VTA1: variants seen among roughly 807,000 people sequenced by gnomAD.
VTA1 encodes vesicle trafficking 1.
A neutral mutation model predicts 36.9 loss-of-function variants in VTA1; 24 were observed. The observed-to-expected ratio is 0.65, with a 90% CI of 0.47 to 0.91. The LOEUF is 0.91. Among genes scored for constraint, VTA1 ranks in the 40% least tolerant of loss-of-function variants. The pLI, the probability that VTA1 is intolerant of heterozygous loss-of-function variation, is 0.00. For synonymous variants in VTA1, 142 were observed against 130.2 expected, an observed-to-expected ratio of 1.09 and a Z score of -0.62; for missense variants, 393 against 377.2, an observed-to-expected ratio of 1.04 and a Z score of -0.35.
chr6:142,190,338 CAG>C (rs1775430181), intron 5 of VTA1, among the ~76,000 whole-genome samples: 1 of 152,048 alleles, frequency 6.6e-6, no homozygotes, highest in Non-Finnish European at 1.5e-5. Context: ...TGTATCTTTA[CAG>C]AGATCATTTT....
chr6:142,150,203 T>C (rs225624), intron 1 of VTA1, among the ~76,000 whole-genome samples: 61,697 of 152,012 alleles, frequency 0.41, 13,082 homozygotes, highest in Middle Eastern at 0.58. Context: ...TTGATAACAT[T>C]GTAGCTGCTA....
chr6:142,180,119 A>G (rs1322065893), intron 4 of VTA1, among the ~76,000 whole-genome samples: 1 of 152,224 alleles, frequency 6.6e-6, no homozygotes, highest in Non-Finnish European at 1.5e-5. Flanking sequence ...AGCAGTGAGC[A>G]CACAGTGAGC....
chr6:142,215,284 C>G (rs759995437), intron 7 of VTA1, among the ~76,000 whole-genome samples: 3 of 151,994 alleles, frequency 2.0e-5, no homozygotes, highest in Non-Finnish European at 4.4e-5. Flanking sequence ...TAAAAAATTA[C>G]AAAAAAGTTA....
chr6:142,173,759 C>G (rs1775068667), intron 4 of VTA1, among the ~76,000 whole-genome samples: 1 of 152,156 alleles, frequency 6.6e-6, no homozygotes, highest in South Asian at 2.1e-4. Context: ...GGAGAATAAT[C>G]TAGGTTTACT....
rs528470999 is a variant in VTA1, at chr6:142,189,913, C to T, written c.520+379C>T. On this transcript the variant is annotated intron_variant, in intron 5 of 7. Transcript: ENST00000367630. Reference sequence around the variant, plus strand: ...CTGGGACTACAGGCGCCTGCCACCACGCCTGGCTAATTTTTTTGTACTTTT... The same window carrying T: ...CTGGGACTACAGGCGCCTGCCACCATGCCTGGCTAATTTTTTTGTACTTTT... Among the ~76,000 whole-genome samples the T allele has an allele frequency of 7.2e-5, 11 of 152,220 alleles. No homozygotes were observed. In the South Asian group the frequency reaches 8.3e-4, roughly 11 times the overall value.
chr6:142,161,885 GGTAAATTTTTT>G (rs2114637244), intron 1 of VTA1, among the ~76,000 whole-genome samples: 1 of 152,070 alleles, frequency 6.6e-6, no homozygotes, highest in Non-Finnish European at 1.5e-5. Context: ...TGTATCTTAT[GGTAAATTTTTT>G]GTACTTAAGA....
chr6:142,207,679 G>T (rs113066128), intron 7 of VTA1, among the ~76,000 whole-genome samples: 2 of 151,978 alleles, frequency 1.3e-5, no homozygotes, highest in Non-Finnish European at 2.9e-5. Flanking sequence ...ACCAAAACAA[G>T]CTGGACAGAG....
intron 4 of VTA1, among the ~76,000 whole-genome samples, chr6:142,189,166 C>T (rs888779308): frequency 1.3e-5 from 2 of 152,068 alleles, no homozygotes; most frequent in African/African-American, 2.4e-5. Flanking sequence ...CCTGTTTTTC[C>T]GTTGCATATC....
intron 7 of VTA1, among the ~76,000 whole-genome samples, chr6:142,209,864 C>T (rs1401467549): frequency 6.6e-6 from 1 of 152,008 alleles, no homozygotes; most frequent in African/African-American, 2.4e-5. Context: ...CAATCCCTAT[C>T]AAAATGCCAA....
At chr6:142,215,020 T>C (rs1004330245) in intron 7 of VTA1, among the ~76,000 whole-genome samples, 2 of 152,228 alleles carry the variant, frequency 1.3e-5, no homozygotes, top group Admixed American at 1.3e-4. Flanking sequence ...TATATTGTAA[T>C]GAATTTATGG....
rs1366505316 is a variant in VTA1, at chr6:142,222,740, C to T, written c.*4097C>T. On this transcript the variant is annotated 3_prime_UTR_variant, in exon 8 of 8. Transcript: ENST00000367630. ...GGAATTCTAAGACTGCAGGCTTGTT[C>T]ATTGGAGTACACTTAAGTAGGACAA... The T allele has an allele frequency of 1.3e-5, 1 of 77,494 alleles. No individual in the cohort carries two copies. Among genetic ancestry groups the T allele is most frequent in the African/African-American group, 4.0e-5 (1 of 25,098 alleles). The allele number at this position is 77,494 out of a possible 1,614,324, so 4.8% of individuals were successfully genotyped here.
At position 142,147,399 on chromosome 6, in the gene VTA1, T is replaced by A. The variant is rs2232300; in HGVS notation, c.112T>A (p.Cys38Ser). ...DKRDPVVAYY[C>S]RLYAMQTGMK... ...GCGAGACCCTGTGGTGGCTTATTAC[T>A]GTGAGTCTTTCCGAGTGGCCGCGCC... The change falls in exon 1 of 8, where the codon TGT becomes AGT. Residue 38 changes from cysteine to serine, a missense_variant and splice_region_variant. By Grantham distance (112) the Cys-to-Ser change is moderately radical. Coordinates refer to ENST00000367630, the MANE Select transcript of VTA1 (RefSeq NM_016485.5). The A allele has an allele frequency of 2.5e-3, 3,983 of 1,613,658 alleles. 9 individuals are homozygous for A. The highest frequency in any genetic ancestry group is 3.0e-3 in the Non-Finnish European group (3,582 of 1,179,756).
chr6:142,212,339 A>T (rs182362160), intron 7 of VTA1, among the ~76,000 whole-genome samples: 24 of 152,358 alleles, frequency 1.6e-4, no homozygotes, highest in African/African-American at 5.0e-4. Context: ...CAGTGCTAGA[A>T]GGAAATGAGC....
chr6:142,157,560 G>A (rs927070848), intron 1 of VTA1, among the ~76,000 whole-genome samples: 18 of 151,946 alleles, frequency 1.2e-4, no homozygotes, highest in African/African-American at 3.4e-4. Flanking sequence ...AGAAAAAACC[G>A]TAAAGTTGAA....
intron 1 of VTA1, among the ~76,000 whole-genome samples, chr6:142,165,201 G>A (rs1774890005): frequency 6.6e-6 from 1 of 152,146 alleles, no homozygotes; most frequent in Admixed American, 6.5e-5. Flanking sequence ...AGATTGATAG[G>A]AATGTAAGTT....
intron 1 of VTA1, among the ~76,000 whole-genome samples, chr6:142,160,895 A>G (rs1774791471): frequency 6.6e-6 from 1 of 152,166 alleles, no homozygotes; most frequent in Non-Finnish European, 1.5e-5. Flanking sequence ...TTCTTTGGAC[A>G]ATGAAAAAGC....
At chr6:142,149,953 AT>A (rs1000658518) in intron 1 of VTA1, among the ~76,000 whole-genome samples, 16 of 150,522 alleles carry the variant, frequency 1.1e-4, no homozygotes, top group South Asian at 4.2e-4. Flanking sequence ...TGATTCTGTC[AT>A]TTTTTTTTAT....
In VTA1 at chr6:142,221,038, T is replaced by C. The variant is rs1396305984; in HGVS notation, c.*2395T>C. 6.6e-6 allele frequency: 1 copy of C among 152,194 alleles called. No individual in the cohort carries two copies. The highest frequency in any genetic ancestry group is 1.9e-4 in the East Asian group (1 of 5,184). The allele number at this position is 152,194 out of a possible 1,614,324, so 9.4% of individuals were successfully genotyped here. A position where few individuals can be genotyped will look rare whatever the true frequency, so the allele number is the denominator to read the frequency against. ...AAACTCTAGGGATGGGTCCCAGCCT[T>C]CTGAGTTTTAAGAGACACTTAAGGT... On this transcript the variant is annotated 3_prime_UTR_variant, in exon 8 of 8. Transcript: ENST00000367630.
chr6:142,147,847 C>A (rs1778484711), intron 1 of VTA1, among the ~76,000 whole-genome samples: 2 of 151,952 alleles, frequency 1.3e-5, no homozygotes, highest in African/African-American at 4.8e-5. Context: ...GCATGCAAGC[C>A]CAATCAGAAA....
Sources: allele counts gnomAD v4.1 joint callset (sites outside exome capture counted in the v4.1 genomes callset), GRCh38; gene constraint gnomAD v4.1.1; transcripts MANE v1.5; gene names NCBI Gene and HGNC (gene_info 2026-07-23, HGNC 2026-07-21).